The following RAB11A variants were observed in gnomAD, a reference collection of about 807,000 sequenced individuals.
The protein encoded by RAB11A is RAB11A, member RAS oncogene family.
Under a neutral mutation model 28.0 loss-of-function variants are expected in RAB11A, and 9 were observed. That is an observed-to-expected ratio of 0.32 (90% CI 0.19 to 0.56). The LOEUF is 0.56. Ranked by LOEUF, RAB11A falls within the 20% of genes least tolerant of loss-of-function variation. The pLI, the probability that RAB11A is intolerant of heterozygous loss-of-function variation, is 0.91. For missense variants in RAB11A, 108 were observed against 269.6 expected, an observed-to-expected ratio of 0.40 and a Z score of 4.20; for synonymous variants, 85 against 88.2, an observed-to-expected ratio of 0.96 and a Z score of 0.20.
At chr15:65,880,207 T>G (rs1450499842) in intron 4 of RAB11A, among the ~76,000 whole-genome samples, 1 of 152,234 alleles carries the variant, frequency 6.6e-6, no homozygotes, top group African/African-American at 2.4e-5. Context: ...CCCTTGCGTA[T>G]TCTATATTGT....
At chr15:65,883,581 A>C (rs912973718) in intron 4 of RAB11A, among the ~76,000 whole-genome samples, 7 of 152,150 alleles carry the variant, frequency 4.6e-5, no homozygotes, top group African/African-American at 1.7e-4. Flanking sequence ...ATATCTTTTT[A>C]GCATGAACAC....
At chr15:65,886,734 A>G (rs927436729) in intron 4 of RAB11A, among the ~76,000 whole-genome samples, 1 of 152,224 alleles carries the variant, frequency 6.6e-6, no homozygotes, top group Non-Finnish European at 1.5e-5. Context: ...ATCACAACAC[A>G]TGTTATATGT....
chr15:65,887,154 A>T (rs1463625302), intron 4 of RAB11A, among the ~76,000 whole-genome samples: 1 of 149,724 alleles, frequency 6.7e-6, no homozygotes, highest in South Asian at 2.1e-4. Context: ...GTCCATAAAC[A>T]ATGTAATGCT....
At chr15:65,887,026 AATTT>A (rs2078259795) in intron 4 of RAB11A, among the ~76,000 whole-genome samples, 2 of 152,166 alleles carry the variant, frequency 1.3e-5, no homozygotes, top group South Asian at 2.1e-4. Flanking sequence ...TGATAGTGCA[AATTT>A]ATTTATTTTT....
intron 1 of RAB11A, 58 bp downstream of exon 1, chr15:65,869,683 C>A: frequency 1.2e-5 from 18 of 1,558,538 alleles, no homozygotes; most frequent in Non-Finnish European, 1.5e-5. Context: ...CGGGCCACTC[C>A]CGGTGGACCC....
chr15:65,891,931 T>G lies in RAB11A; in HGVS notation c.*4091T>G, dbSNP rs1357895644. On this transcript the variant is annotated 3_prime_UTR_variant, in exon 5 of 5. Coordinates refer to ENST00000261890, the MANE Select transcript of RAB11A (RefSeq NM_004663.5). ...ATGGCTTTTGCTGTTAAAAAAAAAC[T>G]GCTGGCTTTTAATATGTACTTTAAA... The G allele has an allele frequency of 6.6e-6, 1 of 152,174 alleles. No individual in the cohort carries two copies. Among genetic ancestry groups the G allele is most frequent in the African/African-American group, 2.4e-5 (1 of 41,438 alleles). The allele number at this position is 152,174 out of a possible 1,614,324, so 9.4% of individuals were successfully genotyped here. A position where few individuals can be genotyped will look rare whatever the true frequency, so the allele number is the denominator to read the frequency against.
chr15:65,872,678 C>G (rs1227652160), intron 1 of RAB11A, among the ~76,000 whole-genome samples: 1 of 152,064 alleles, frequency 6.6e-6, no homozygotes, highest in African/African-American at 2.4e-5. Flanking sequence ...AGGTGATCCG[C>G]CCGCCTGGGC....
chr15:65,878,126 A>G, intron 3 of RAB11A, 171 bp downstream of exon 3: 2 of 716,664 alleles, frequency 2.8e-6, no homozygotes, highest in Non-Finnish European at 4.9e-6. Context: ...TGAGTCATTA[A>G]AACACTAATA....
chr15:65,872,355 C>T (rs191438340), intron 1 of RAB11A, among the ~76,000 whole-genome samples: 2 of 151,580 alleles, frequency 1.3e-5, no homozygotes, highest in East Asian at 3.9e-4. Flanking sequence ...TTTATGTTTC[C>T]ATGGGTTATG....
chr15:65,883,303 A>G (rs1470452119), intron 4 of RAB11A, among the ~76,000 whole-genome samples: 1 of 152,162 alleles, frequency 6.6e-6, no homozygotes, highest in Non-Finnish European at 1.5e-5. Flanking sequence ...ACAGTTCCTC[A>G]ATCTTTTGTT....
At chr15:65,886,451 AT>A (rs2078256516) in intron 4 of RAB11A, among the ~76,000 whole-genome samples, 1 of 152,204 alleles carries the variant, frequency 6.6e-6, no homozygotes, top group Non-Finnish European at 1.5e-5. Flanking sequence ...GGTGTCCTTT[AT>A]AGGAATACAT....
At position 65,873,630 on chromosome 15, in the gene RAB11A, T is replaced by C. The variant is rs142091687; in HGVS notation, c.41-3702T>C. 3.5e-3 allele frequency among the ~76,000 whole-genome samples: 540 copies of C among 152,156 alleles called. 1 individual carries two copies. Among genetic ancestry groups the C allele is most frequent in the Middle Eastern group, 6.8e-3 (2 of 294 alleles). On this transcript the variant is annotated intron_variant, in intron 1 of 4. Transcript: ENST00000261890. ...GTGCCATGGCACAGTCATAGCCCAC[T>C]GCAGCCTCAAATTCCTGTGCTCAAG...
rs960414631 is a variant in RAB11A at position 65,871,919 on chromosome 15, G to GTTTT, written c.40+2320_40+2323dup. Among the ~76,000 whole-genome samples, 141 of 72,056 alleles carry GTTTT rather than the reference G, an allele frequency of 2.0e-3. 16 individuals carry two copies. Among genetic ancestry groups the GTTTT allele is most frequent in the African/African-American group, 5.8e-3 (103 of 17,880 alleles). 47.3% of individuals were successfully genotyped at this position (72,056 alleles called of 152,430 possible). On this transcript the variant is annotated intron_variant, in intron 1 of 4. Transcript: ENST00000261890. Reference sequence around the variant, plus strand: ...GAAAGAAGTTACTGTGGTTTTGTCAGTTTTTTTTTTTTTTTTTTTTTTTTT... The same window carrying GTTTT: ...GAAAGAAGTTACTGTGGTTTTGTCAGTTTTTTTTTTTTTTTTTTTTTTTTTTTTT...
chr15:65,878,862 G>A (rs890562388), intron 3 of RAB11A, among the ~76,000 whole-genome samples: 1 of 152,220 alleles, frequency 6.6e-6, no homozygotes, highest in Non-Finnish European at 1.5e-5. Context: ...AGGATAGCAA[G>A]AGATGGAAAT....
Position 65,888,474 on chromosome 15 carries a change from T to G in RAB11A, c.*634T>G, listed in dbSNP as rs2078267671. On this transcript the variant is annotated 3_prime_UTR_variant, in exon 5 of 5. Coordinates refer to ENST00000261890, the MANE Select transcript of RAB11A (RefSeq NM_004663.5). ...AATTCTCTTAGTAAACACAAAAGAT[T>G]GTTACGGTTTCATTAGTAGTATGGT... The G allele has an allele frequency of 6.6e-6, 1 of 152,466 alleles. No homozygotes were observed. The highest frequency in any genetic ancestry group is 2.1e-4 in the South Asian group (1 of 4,832). 9.4% of individuals were successfully genotyped at this position (152,466 alleles called of 1,614,324 possible).
Position 65,888,557 on chromosome 15 carries a change from G to C in RAB11A, c.*717G>C, listed in dbSNP as rs1160790447. The stretch of plus-strand genomic sequence containing the variant: ...TAGGCTGGGAACTGAAGAGACTTGT[G>C]GTATTCCATCTCGGGTGCCTCTGTT... On this transcript the variant is annotated 3_prime_UTR_variant, in exon 5 of 5. Transcript: ENST00000261890. 6.6e-6 allele frequency: 1 copy of C among 152,072 alleles called. No homozygotes were observed. 9.4% of individuals were successfully genotyped at this position (152,072 alleles called of 1,614,324 possible).
At chr15:65,887,603 G>C in intron 4 of RAB11A, 98 bp from the exon 5 acceptor site, 2 of 1,191,702 alleles carry the variant, frequency 1.7e-6, no homozygotes, top group Non-Finnish European at 2.3e-6. Context: ...TTTCCTTAGG[G>C]ACTTTGATGC....
Position 65,887,709 on chromosome 15 carries a change from C to T in RAB11A, c.520C>T (p.Arg174Cys), listed in dbSNP as rs1457090212. ...TTTCTTTTTTCCTTCAGAGATTTAC[C>T]GCATTGTTTCTCAGAAGCAAATGTC... ...AFQTILTEIY[R>C]IVSQKQMSDR... Residue 174 changes from arginine (R) to cysteine (C), a missense_variant, in exon 5 of 5, where the codon CGC becomes TGC. Transcript: ENST00000261890. 5 of 1,610,454 alleles carry T rather than the reference C, an allele frequency of 3.1e-6. No individual in the cohort carries two copies. The highest frequency in any genetic ancestry group is 2.2e-5 in the South Asian group (2 of 90,656).
rs1385051103 is a variant in RAB11A, at chr15:65,886,664, G to A, written c.512-1037G>A. 3.3e-5 allele frequency among the ~76,000 whole-genome samples: 5 copies of A among 152,128 alleles called. No homozygotes were observed. The East Asian group carries it at 5.8e-4, about 18-fold the overall frequency. ...TAGGCAGTGCAGTATAAGACCAAAC[G>A]TGTTACATACAGATACTTATTGTGG... On this transcript the variant is annotated intron_variant, in intron 4 of 4. Coordinates refer to ENST00000261890, the MANE Select transcript of RAB11A (RefSeq NM_004663.5).
Sources: gnomAD v4.1 joint callset for allele counts (sites outside exome capture counted in the v4.1 genomes callset) on GRCh38, gnomAD v4.1.1 for gene constraint, MANE v1.5 for transcripts, NCBI Gene and HGNC (gene_info 2026-07-23, HGNC 2026-07-21) for gene names.